PPP2R2B: variants seen among roughly 807,000 people sequenced by gnomAD.
PPP2R2B encodes the protein protein phosphatase 2 regulatory subunit Bbeta.
Under a neutral mutation model 46.0 loss-of-function variants are expected in PPP2R2B, and 5 were observed. The ratio of observed to expected loss-of-function variants is 0.11; its 90% confidence interval spans 0.06 to 0.23. The LOEUF is 0.23. Ranked by LOEUF, PPP2R2B falls within the 10% of genes least tolerant of loss-of-function variation. The pLI, the probability that PPP2R2B is intolerant of heterozygous loss-of-function variation, is 1.00. For synonymous variants in PPP2R2B, 215 were observed against 206.7 expected (o/e 1.04, Z -0.34); for missense variants, 367 against 575.0 (o/e 0.64, Z 3.70).
chr5:146,850,847 A>G (rs1760305473), intron 2 of PPP2R2B, among the ~76,000 whole-genome samples: 1 of 152,174 alleles, frequency 6.6e-6, no homozygotes, highest in Non-Finnish European at 1.5e-5. Flanking sequence ...GTATACAATA[A>G]GTGCCCAATA....
At chr5:146,989,004 G>T (rs1056651061) in intron 1 of PPP2R2B, among the ~76,000 whole-genome samples, 1 of 151,986 alleles carries the variant, frequency 6.6e-6, no homozygotes, top group Non-Finnish European at 1.5e-5. Flanking sequence ...AAACCTAGAA[G>T]AGAGTAATAA....
chr5:146,819,422 C>G (rs943585072), intron 2 of PPP2R2B, among the ~76,000 whole-genome samples: 1 of 152,118 alleles, frequency 6.6e-6, no homozygotes, highest in African/African-American at 2.4e-5. Context: ...CAGAGAGAGA[C>G]ACAACCACAG....
At chr5:146,973,960 C>T (rs539141396) in intron 1 of PPP2R2B, among the ~76,000 whole-genome samples, 165 of 152,250 alleles carry the variant, frequency 1.1e-3, no homozygotes, top group African/African-American at 3.7e-3. Flanking sequence ...CTAGGCCCAT[C>T]CTTCTTTAAA....
intron 2 of PPP2R2B, among the ~76,000 whole-genome samples, chr5:146,873,125 G>C (rs372675663): frequency 6.6e-6 from 1 of 152,134 alleles, no homozygotes; most frequent in South Asian, 2.1e-4. Flanking sequence ...TTTTAGTGAT[G>C]CGCCCCATTA....
intron 6 of PPP2R2B, among the ~76,000 whole-genome samples, chr5:146,640,691 T>C (rs983735814): frequency 7.2e-5 from 11 of 152,238 alleles, no homozygotes; most frequent in Admixed American, 3.9e-4. Flanking sequence ...GGAAGGGATC[T>C]TCGCTGTGTG....
chr5:146,831,038 C>A (rs1758894296), intron 2 of PPP2R2B, among the ~76,000 whole-genome samples: 1 of 152,060 alleles, frequency 6.6e-6, no homozygotes, highest in African/African-American at 2.4e-5. Context: ...CAAACCTACT[C>A]TGCTGTCAGT....
intron 7 of PPP2R2B, among the ~76,000 whole-genome samples, chr5:146,621,916 C>T (rs1773730675): frequency 6.6e-6 from 1 of 152,150 alleles, no homozygotes; most frequent in African/African-American, 2.4e-5. Flanking sequence ...GAGTAAGAGG[C>T]CTTTCCATCT....
chr5:146,898,793 C>A (rs1277384933), intron 1 of PPP2R2B, among the ~76,000 whole-genome samples: 1 of 117,716 alleles, frequency 8.5e-6, no homozygotes, highest in Non-Finnish European at 1.7e-5. Context: ...AAACAAACAA[C>A]CCCATCAAAA....
At chr5:146,897,988 C>A (rs887830969) in intron 1 of PPP2R2B, among the ~76,000 whole-genome samples, 1 of 152,118 alleles carries the variant, frequency 6.6e-6, no homozygotes, top group Non-Finnish European at 1.5e-5. Context: ...AGTTTGAGAC[C>A]AGCCTGGCCA....
In PPP2R2B at chr5:146,845,283, CTA is replaced by C. The variant is rs1414802957; in HGVS notation, c.70+32717_70+32718del. Among the ~76,000 whole-genome samples, 4 of 145,416 alleles carry C rather than the reference CTA, an allele frequency of 2.8e-5. No homozygotes were observed. In the South Asian group the frequency reaches 8.8e-4, roughly 32 times the overall value. On this transcript the variant is annotated intron_variant, in intron 2 of 9. Coordinates refer to ENST00000394411, the MANE Select transcript of PPP2R2B (RefSeq NM_181675.4). ...GTTTTCATCATAGCATAATTTATGA[CTA>C]TTTCTTTTCTTTTCCTTTTCTTTTT... is the stretch of plus-strand genomic sequence containing the variant.
intron 2 of PPP2R2B, among the ~76,000 whole-genome samples, chr5:146,759,036 T>C (rs1237597687): frequency 6.6e-6 from 1 of 152,220 alleles, no homozygotes; most frequent in East Asian, 1.9e-4. Flanking sequence ...TTATTTTATT[T>C]GAAAACTTTT....
intron 2 of PPP2R2B, among the ~76,000 whole-genome samples, chr5:146,849,923 C>T (rs1760238451): frequency 6.6e-6 from 1 of 152,138 alleles, no homozygotes; most frequent in Non-Finnish European, 1.5e-5. Flanking sequence ...TGGAGGATCA[C>T]TCCAATAGCA....
At chr5:147,016,344 A>C (rs1257242669) in intron 1 of PPP2R2B, among the ~76,000 whole-genome samples, 1 of 151,458 alleles carries the variant, frequency 6.6e-6, no homozygotes, top group Non-Finnish European at 1.5e-5. Flanking sequence ...CAAAAAAAAA[A>C]AGATGATAGC....
At chr5:146,782,886 G>T (rs2151285058) in intron 2 of PPP2R2B, among the ~76,000 whole-genome samples, 1 of 152,098 alleles carries the variant, frequency 6.6e-6, no homozygotes, top group Middle Eastern at 3.4e-3. Context: ...AAGGGAGGCA[G>T]AAAAGGAGAG....
intron 2 of PPP2R2B, among the ~76,000 whole-genome samples, chr5:147,073,539 C>G (rs1397590682): frequency 2.6e-5 from 4 of 152,188 alleles, no homozygotes; most frequent in Non-Finnish European, 4.4e-5. Context: ...CTTTTTCACA[C>G]ACAGAGGGAA....
intron 1 of PPP2R2B, among the ~76,000 whole-genome samples, chr5:147,039,640 C>A (rs1206477533): frequency 2.0e-5 from 3 of 152,158 alleles, no homozygotes; most frequent in East Asian, 1.9e-4. Context: ...GCAGGAGGAC[C>A]AATTTGAAGG....
chr5:146,665,284 C>T (rs771551485), intron 5 of PPP2R2B, among the ~76,000 whole-genome samples: 4 of 152,186 alleles, frequency 2.6e-5, no homozygotes, highest in Non-Finnish European at 4.4e-5. Flanking sequence ...GTGTAGCCAC[C>T]GCCACCCATG....
intron 2 of PPP2R2B, among the ~76,000 whole-genome samples, chr5:146,736,718 G>A (rs1009010751): frequency 1.3e-5 from 2 of 152,074 alleles, no homozygotes; most frequent in African/African-American, 4.8e-5. Flanking sequence ...TTCTGACTCC[G>A]GTGTAATCTG....
chr5:146,814,758 C>T (rs1021497355), intron 2 of PPP2R2B, among the ~76,000 whole-genome samples: 16 of 152,220 alleles, frequency 1.1e-4, no homozygotes, highest in African/African-American at 3.9e-4. Flanking sequence ...GACAGCCCAC[C>T]CCAAGGGAAG....
Sources: gnomAD v4.1 joint callset for allele counts (sites outside exome capture counted in the v4.1 genomes callset) on GRCh38, gnomAD v4.1.1 for gene constraint, MANE v1.5 for transcripts, NCBI Gene and HGNC (gene_info 2026-07-23, HGNC 2026-07-21) for gene names.